Variants in AHCYL2 observed in about 807,000 individuals in gnomAD.
AHCYL2 encodes the protein S-adenosylhomocysteine hydrolase-like protein 2.
Under a neutral mutation model 81.4 loss-of-function variants are expected in AHCYL2, and 28 were observed. That is an observed-to-expected ratio of 0.34 (90% CI 0.25 to 0.47). The LOEUF (loss-of-function observed/expected upper bound fraction) is 0.47, where lower values mean the gene tolerates loss of function less well. Among genes scored for constraint, AHCYL2 ranks in the 20% least tolerant of loss-of-function variants. The probability of loss-of-function intolerance (pLI) is 1.00; values close to 1 mark genes in which losing one functional copy is unlikely to be tolerated. For synonymous variants in AHCYL2, 272 were observed against 290.2 expected (o/e 0.94, Z 0.64); for missense variants, 551 against 785.1 (o/e 0.70, Z 3.56).
At chr7:129,320,558 C>A (rs2150787247) in intron 1 of AHCYL2, among the ~76,000 whole-genome samples, 1 of 152,306 alleles carries the variant, frequency 6.6e-6, no homozygotes, top group East Asian at 1.9e-4. Context: ...CTCAAGTGAT[C>A]CACCGCCCAT....
intron 10 of AHCYL2, among the ~76,000 whole-genome samples, chr7:129,408,955 A>T (rs1335311364): frequency 6.6e-6 from 1 of 152,190 alleles, no homozygotes; most frequent in Non-Finnish European, 1.5e-5. Context: ...GTATGCCAAT[A>T]GTCCTGGCTA....
rs115946336 is a variant in AHCYL2, at chr7:129,263,255, G to A, written c.363+37816G>A. Among the ~76,000 whole-genome samples, 719 of 152,308 alleles carry A rather than the reference G, an allele frequency of 4.7e-3. 6 individuals carry two copies. Among genetic ancestry groups the A allele is most frequent in the African/African-American group, 0.017 (692 of 41,552 alleles). On this transcript the variant is annotated intron_variant, in intron 1 of 16. Coordinates refer to ENST00000325006, the MANE Select transcript of AHCYL2 (RefSeq NM_015328.4). ...AGACTTAGGCTAGATGCTCATATCTGAGACATTTTCTCTTGTATTAGAGAT... is the reference window on the plus strand; with the variant it reads ...AGACTTAGGCTAGATGCTCATATCTAAGACATTTTCTCTTGTATTAGAGAT...
intron 1 of AHCYL2, among the ~76,000 whole-genome samples, chr7:129,338,093 T>A (rs1337802614): frequency 2.6e-5 from 4 of 152,126 alleles, no homozygotes; most frequent in Admixed American, 2.6e-4. Context: ...CATTATTTCA[T>A]ACATGGGGAA....
At chr7:129,288,198 C>G (rs1796705637) in intron 1 of AHCYL2, among the ~76,000 whole-genome samples, 1 of 151,954 alleles carries the variant, frequency 6.6e-6, no homozygotes, top group African/African-American at 2.4e-5. Context: ...CTCTCTTCTC[C>G]CCTGCTTTTT....
intron 1 of AHCYL2, among the ~76,000 whole-genome samples, chr7:129,378,207 G>C (rs900713862): frequency 2.6e-5 from 4 of 152,010 alleles, no homozygotes; most frequent in African/African-American, 4.8e-5. Context: ...AGCTACTTGG[G>C]AGGCTGAGGC....
Position 129,405,826 on chromosome 7 carries a change from T to C in AHCYL2, c.1143-10T>C. The stretch of plus-strand genomic sequence containing the variant: ...AGATTTTTCTGATTTAATGTTTTTT[T>C]TTCCCCTAGACTTAAAAGGACAACA... On this transcript the variant is annotated splice_polypyrimidine_tract_variant and intron_variant, in intron 8 of 16. Coordinates refer to ENST00000325006, the MANE Select transcript of AHCYL2 (RefSeq NM_015328.4). 1 of 1,598,910 alleles carries C rather than the reference T, an allele frequency of 6.3e-7. No individual in the cohort carries two copies. Among genetic ancestry groups the C allele is most frequent in the Non-Finnish European group, 8.5e-7 (1 of 1,172,536 alleles).
At chr7:129,268,911 C>T (rs758632870) in intron 1 of AHCYL2, among the ~76,000 whole-genome samples, 23 of 152,008 alleles carry the variant, frequency 1.5e-4, no homozygotes, top group Non-Finnish European at 2.5e-4. Flanking sequence ...AGTGTATAAC[C>T]ATTACTGTAA....
intron 1 of AHCYL2, among the ~76,000 whole-genome samples, chr7:129,313,017 A>G (rs1347413033): frequency 2.0e-5 from 3 of 152,090 alleles, no homozygotes; most frequent in African/African-American, 7.3e-5. Context: ...TCTCTTAACC[A>G]CTTTCTAACA....
chr7:129,376,053 C>A (rs1559486), intron 1 of AHCYL2: 1 of 1,183,380 alleles, frequency 8.5e-7, no homozygotes, highest in Non-Finnish European at 1.2e-6. Flanking sequence ...AGGTGAGCTA[C>A]CCCTCTTTTA....
Position 129,389,640 on chromosome 7 carries a change from C to G in AHCYL2, c.626C>G (p.Pro209Arg), listed in dbSNP as rs1275627923. The change falls in exon 4 of 17, where the codon CCT becomes CGT. Residue 209 changes from proline (P) to arginine (R), a missense_variant. Pro to Arg is a moderately radical substitution (Grantham distance 103). Coordinates refer to ENST00000325006, the MANE Select transcript of AHCYL2 (RefSeq NM_015328.4). ...REIEIAEQEM[P>R]ALMALRKRAQ... ...ATTTATTGGGCCTTTTCAGAAATGC[C>G]TGCATTGATGGCTTTGAGGAAGAGA... The G allele has an allele frequency of 6.2e-7, 1 of 1,611,778 alleles. No homozygotes were observed. The highest frequency in any genetic ancestry group is 1.7e-5 in the Admixed American group (1 of 59,368).
intron 1 of AHCYL2, among the ~76,000 whole-genome samples, chr7:129,370,437 C>T (rs1267997053): frequency 2.6e-5 from 4 of 152,222 alleles, no homozygotes; most frequent in African/African-American, 9.6e-5. Context: ...TGGCTCACGC[C>T]TGTAATCCCA....
At chr7:129,266,614 G>A (rs1315961993) in intron 1 of AHCYL2, among the ~76,000 whole-genome samples, 2 of 152,146 alleles carry the variant, frequency 1.3e-5, no homozygotes, top group African/African-American at 4.8e-5. Context: ...GGACATAATG[G>A]TTTTTATCAG....
intron 1 of AHCYL2, among the ~76,000 whole-genome samples, chr7:129,312,836 G>A (rs1797709063): frequency 6.6e-6 from 1 of 152,018 alleles, no homozygotes; most frequent in Non-Finnish European, 1.5e-5. Context: ...CCACCCGTAT[G>A]TAACCACTAT....
chr7:129,267,122 A>G (rs1023550283), intron 1 of AHCYL2, among the ~76,000 whole-genome samples: 9 of 152,180 alleles, frequency 5.9e-5, no homozygotes, highest in African/African-American at 1.9e-4. Flanking sequence ...ACAAAAAAAG[A>G]TTATGAAATC....
chr7:129,296,149 T>A (rs1797043827), intron 1 of AHCYL2, among the ~76,000 whole-genome samples: 2 of 152,178 alleles, frequency 1.3e-5, no homozygotes. Context: ...AGGAATCATG[T>A]AGGATTACCC....
rs757922132 is a variant in AHCYL2 at position 129,368,471 on chromosome 7, A to C, written c.364-11167A>C. On this transcript the variant is annotated intron_variant, in intron 1 of 16. Coordinates refer to ENST00000325006, the MANE Select transcript of AHCYL2 (RefSeq NM_015328.4). This position sits in a 1 kb window ranked among gnomAD's most constrained non-coding sequence, Gnocchi z 4.4. Reference sequence around the variant, plus strand: ...AACCAGCTTTCCCTTTTGCTTCAGGACATATCTTACCCAAGCCTGCACTAT... The same window carrying C: ...AACCAGCTTTCCCTTTTGCTTCAGGCCATATCTTACCCAAGCCTGCACTAT... The C allele has an allele frequency of 1.9e-6, 3 of 1,613,966 alleles. No homozygotes were observed. The highest frequency in any genetic ancestry group is 2.5e-6 in the Non-Finnish European group (3 of 1,179,868).
intron 1 of AHCYL2, among the ~76,000 whole-genome samples, chr7:129,338,841 A>G (rs1458286709): frequency 1.3e-5 from 2 of 152,202 alleles, no homozygotes; most frequent in Non-Finnish European, 2.9e-5. Context: ...ATTTTAATGT[A>G]GTTTAATAGA....
At chr7:129,285,251 TC>T (rs1289229402) in intron 1 of AHCYL2, among the ~76,000 whole-genome samples, 1 of 152,224 alleles carries the variant, frequency 6.6e-6, no homozygotes, top group Non-Finnish European at 1.5e-5. Context: ...TGCATTCTTT[TC>T]TTTCTCTCCC....
Position 129,406,270 on chromosome 7 carries a change from G to A in AHCYL2, c.1207-108G>A. ...TTTTCCCCAAGTATGAATCTATTCA[G>A]TGAAATTCCTCTCGGGGGTGGAAAG... On this transcript the variant is annotated intron_variant, in intron 9 of 16. Transcript: ENST00000325006. The surrounding 1 kb of genome is among the most constrained non-coding windows in gnomAD (Gnocchi z 4.3). 1.1e-6 allele frequency: 1 copy of A among 937,914 alleles called. No individual in the cohort carries two copies. The highest frequency in any genetic ancestry group is 1.7e-6 in the Non-Finnish European group (1 of 596,446). The allele number at this position is 937,914 out of a possible 1,614,324, so 58.1% of individuals were successfully genotyped here.
Sources: allele counts gnomAD v4.1 joint callset (sites outside exome capture counted in the v4.1 genomes callset), GRCh38; gene constraint gnomAD v4.1.1; non-coding constraint Gnocchi (gnomAD v3.1); transcripts MANE v1.5; gene names NCBI Gene and HGNC (gene_info 2026-07-23, HGNC 2026-07-21).